Variants in KCNIP1 observed in about 807,000 individuals in gnomAD.
The protein encoded by KCNIP1 is potassium voltage-gated channel interacting protein 1.
A neutral mutation model predicts 33.0 loss-of-function variants in KCNIP1; 18 were observed. That is an observed-to-expected ratio of 0.55 (90% CI 0.38 to 0.81). The LOEUF (loss-of-function observed/expected upper bound fraction) is 0.81, where lower values mean the gene tolerates loss of function less well. Ranked by LOEUF, KCNIP1 falls within the 30% of genes least tolerant of loss-of-function variation. The pLI is 0.00. For missense variants in KCNIP1, 238 were observed against 271.6 expected (o/e 0.88, Z 0.87); for synonymous variants, 93 against 98.3 (o/e 0.95, Z 0.32).
chr5:170,540,348 G>A (rs1024852924), intron 1 of KCNIP1, among the ~76,000 whole-genome samples: 3 of 152,198 alleles, frequency 2.0e-5, no homozygotes, highest in Non-Finnish European at 4.4e-5. Context: ...CAAAAGGTAT[G>A]TTGAGGCACA....
intron 1 of KCNIP1, among the ~76,000 whole-genome samples, chr5:170,469,614 G>A (rs1419441213): frequency 6.6e-6 from 1 of 152,086 alleles, no homozygotes; most frequent in Admixed American, 6.5e-5. Context: ...TGTGCTTTCT[G>A]AGGGCACCAA....
Position 170,735,858 on chromosome 5 carries a change from C to T in KCNIP1, c.*52C>T. The T allele has an allele frequency of 6.8e-7, 1 of 1,464,338 alleles. No individual in the cohort carries two copies. The highest frequency in any genetic ancestry group is 2.3e-5 in the East Asian group (1 of 44,180). 90.7% of individuals were successfully genotyped at this position (1,464,338 alleles called of 1,614,324 possible). A position where few individuals can be genotyped will look rare whatever the true frequency, so the allele number is the denominator to read the frequency against. ...CAGAGACATTGTACTAAACAACCAC[C>T]TTAACACCCTGATCTGCCCTTGTTC... On this transcript the variant is annotated 3_prime_UTR_variant, in exon 8 of 8. Transcript: ENST00000328939.
intron 1 of KCNIP1, among the ~76,000 whole-genome samples, chr5:170,458,984 CA>C (rs1756450550): frequency 6.6e-6 from 1 of 152,014 alleles, no homozygotes; most frequent in African/African-American, 2.4e-5. Context: ...CACATAAGGA[CA>C]CAAATAAACT....
chr5:170,374,618 A>G (rs1163585010), intron 1 of KCNIP1: 1 of 152,204 alleles, frequency 6.6e-6, no homozygotes, highest in African/African-American at 2.4e-5. Flanking sequence ...CTCTCCAGGT[A>G]TGAGTCACTA....
intron 1 of KCNIP1, among the ~76,000 whole-genome samples, chr5:170,384,011 GT>G (rs1005652371): frequency 7.2e-5 from 11 of 152,200 alleles, no homozygotes; most frequent in Non-Finnish European, 1.3e-4. Context: ...TGACCCCACA[GT>G]CCCCGGACAC....
intron 1 of KCNIP1, among the ~76,000 whole-genome samples, chr5:170,426,761 C>G (rs553303895): frequency 3.6e-4 from 55 of 152,382 alleles, no homozygotes; most frequent in South Asian, 1.2e-3. Flanking sequence ...CAAGAAAGAA[C>G]TTCTGGGAAA....
chr5:170,465,812 A>G (rs1024277705), intron 1 of KCNIP1, among the ~76,000 whole-genome samples: 1 of 152,212 alleles, frequency 6.6e-6, no homozygotes, highest in African/African-American at 2.4e-5. Flanking sequence ...TCAGAAGAAC[A>G]TTCTAGAACA....
chr5:170,459,198 T>C (rs1057217539), intron 1 of KCNIP1, among the ~76,000 whole-genome samples: 2 of 152,050 alleles, frequency 1.3e-5, no homozygotes, highest in Admixed American at 1.3e-4. Context: ...ATAAAACAAT[T>C]ACTAATAGAC....
chr5:170,639,005 G>A (rs549340340), intron 1 of KCNIP1, among the ~76,000 whole-genome samples: 63 of 152,318 alleles, frequency 4.1e-4, no homozygotes, highest in Non-Finnish European at 7.4e-4. Flanking sequence ...AGAGGAGGGC[G>A]AGCAAGGGTC....
intron 1 of KCNIP1, among the ~76,000 whole-genome samples, chr5:170,493,072 C>T (rs1181691607): frequency 6.6e-6 from 1 of 152,200 alleles, no homozygotes. Context: ...CACAGATGGG[C>T]ACAGTCAGAA....
At chr5:170,655,241 T>C (rs1371267286) in intron 1 of KCNIP1, among the ~76,000 whole-genome samples, 1 of 152,168 alleles carries the variant, frequency 6.6e-6, no homozygotes, top group Non-Finnish European at 1.5e-5. Flanking sequence ...GTGCATTAGA[T>C]GAGGAAGTCA....
At chr5:170,566,974 G>A (rs1757225979) in intron 1 of KCNIP1, among the ~76,000 whole-genome samples, 1 of 152,146 alleles carries the variant, frequency 6.6e-6, no homozygotes, top group Non-Finnish European at 1.5e-5. Flanking sequence ...GGCTTCAGAA[G>A]GGCAGGGGTC....
chr5:170,713,191 C>A (rs1285278998), intron 1 of KCNIP1, among the ~76,000 whole-genome samples: 1 of 152,238 alleles, frequency 6.6e-6, no homozygotes, highest in Admixed American at 6.5e-5. Flanking sequence ...TCTGTGTTCT[C>A]TTTTTCTCCA....
intron 1 of KCNIP1, among the ~76,000 whole-genome samples, chr5:170,508,194 G>C (rs1049480614): frequency 6.6e-6 from 1 of 152,186 alleles, no homozygotes; most frequent in South Asian, 2.1e-4. Flanking sequence ...CTCCATGACC[G>C]AGTGCAAGCA....
At chr5:170,673,427 A>G (rs985188275) in intron 1 of KCNIP1, among the ~76,000 whole-genome samples, 9 of 152,248 alleles carry the variant, frequency 5.9e-5, no homozygotes, top group African/African-American at 2.2e-4. Context: ...GTTATCTCCA[A>G]CACAACGATA....
intron 1 of KCNIP1, chr5:170,681,379 T>C (rs1762340245): frequency 5.5e-6 from 2 of 363,262 alleles, no homozygotes. Context: ...TGAAATGTGG[T>C]GCGCCTGGGG....
intron 1 of KCNIP1, among the ~76,000 whole-genome samples, chr5:170,373,993 G>A (rs1338219678): frequency 2.6e-5 from 4 of 152,156 alleles, no homozygotes; most frequent in African/African-American, 7.2e-5. Context: ...CTCAAACAGT[G>A]TCTTCTTAAA....
chr5:170,360,301 G>A (rs1405985107), intron 1 of KCNIP1, among the ~76,000 whole-genome samples: 6 of 152,210 alleles, frequency 3.9e-5, no homozygotes. Context: ...TGCAGGGCGG[G>A]AAAACTCTGG....
At chr5:170,586,955 A>G (rs1433167457) in intron 1 of KCNIP1, among the ~76,000 whole-genome samples, 1 of 152,236 alleles carries the variant, frequency 6.6e-6, no homozygotes. Flanking sequence ...TGGAGCTCAC[A>G]GCCCAGTGGG....
Sources: gnomAD v4.1 joint callset for allele counts (sites outside exome capture counted in the v4.1 genomes callset) on GRCh38, gnomAD v4.1.1 for gene constraint, MANE v1.5 for transcripts, NCBI Gene and HGNC (gene_info 2026-07-23, HGNC 2026-07-21) for gene names.